Variants in PRDM10 observed in about 807,000 individuals in gnomAD.
The protein encoded by PRDM10 is PR/SET domain 10, also known as PR domain zinc finger protein 10.
A neutral mutation model predicts 133.1 loss-of-function variants in PRDM10; 65 were observed. That is an observed-to-expected ratio of 0.49 (90% CI 0.40 to 0.60). The LOEUF is 0.60. Ranked by LOEUF, PRDM10 falls within the 20% of genes least tolerant of loss-of-function variation. The pLI, the probability that PRDM10 is intolerant of heterozygous loss-of-function variation, is 0.00. For synonymous variants in PRDM10, 582 were observed against 580.4 expected, an observed-to-expected ratio of 1.00 and a Z score of -0.04; for missense variants, 1,137 against 1,507.1, an observed-to-expected ratio of 0.75 and a Z score of 4.07.
rs1951786823 is a variant in PRDM10 at position 129,961,048 on chromosome 11, T to C, written c.-84A>G. The C allele has an allele frequency of 7.7e-7, 1 of 1,294,168 alleles. No individual in the cohort carries two copies. The highest frequency in any genetic ancestry group is 1.5e-5 in the African/African-American group (1 of 67,966). The allele number at this position is 1,294,168 out of a possible 1,614,324, so 80.2% of individuals were successfully genotyped here. On this transcript the variant is annotated 5_prime_UTR_variant, in exon 2 of 21. Transcript: ENST00000360871. ...CAGTCATCTGTCTACCACACGTGTG[T>C]TCATGAAGGACGGAAAGGTCTGTCT...
chr11:129,939,714 A>G (rs1046321003), intron 7 of PRDM10, among the ~76,000 whole-genome samples: 2 of 152,240 alleles, frequency 1.3e-5, no homozygotes, highest in African/African-American at 4.8e-5. Flanking sequence ...TTCCTTCAGA[A>G]CAAACACAAG....
intron 1 of PRDM10, among the ~76,000 whole-genome samples, chr11:129,982,274 C>CTG (rs897280845): frequency 5.3e-5 from 8 of 150,718 alleles, no homozygotes; most frequent in Non-Finnish European, 8.9e-5. Context: ...ATGTGTGTGT[C>CTG]TGTGTGTGTG....
chr11:129,908,984 C>G (rs897939090), intron 19 of PRDM10, among the ~76,000 whole-genome samples: 1 of 151,790 alleles, frequency 6.6e-6, no homozygotes, highest in Admixed American at 6.6e-5. Context: ...CCCACCTCGG[C>G]CTCCCAAAGT....
chr11:129,968,845 C>G (rs570681685), intron 1 of PRDM10, among the ~76,000 whole-genome samples: 1 of 152,136 alleles, frequency 6.6e-6, no homozygotes, highest in Non-Finnish European at 1.5e-5. Context: ...GCTGATGCAC[C>G]CATCGACACT....
At chr11:129,970,694 A>AC (rs1461528633) in intron 1 of PRDM10, among the ~76,000 whole-genome samples, 1 of 151,894 alleles carries the variant, frequency 6.6e-6, no homozygotes, top group Non-Finnish European at 1.5e-5. Flanking sequence ...ATAGGTGTCC[A>AC]CCACCATGCC....
At position 129,944,936 on chromosome 11, in the gene PRDM10, C is replaced by A; in HGVS notation, c.597G>T (p.Pro199=). ...GGCTCGCCCTGGCCCGGGTGAGCAC[C>A]GGCCGGTTGGGGATCGGGTGCAAGG... is the stretch of plus-strand genomic sequence containing the variant. The part of the protein sequence containing the change: ...HGPLHPIPNR[P]VLTRARASLP... Residue 199 remains proline, a synonymous_variant, in exon 6 of 21, where the codon CCG becomes CCT. Transcript: ENST00000360871. 1 of 1,613,682 alleles carries A rather than the reference C, an allele frequency of 6.2e-7. No homozygotes were observed. Among genetic ancestry groups the A allele is most frequent in the Non-Finnish European group, 8.5e-7 (1 of 1,179,944 alleles).
In PRDM10 at chr11:129,902,138, T is replaced by A. The variant is rs1194753597; in HGVS notation, c.*175A>T. 3.5e-6 allele frequency: 3 copies of A among 852,976 alleles called. No individual in the cohort carries two copies. In the Admixed American group the frequency reaches 9.8e-5, roughly 28 times the overall value. The allele number at this position is 852,976 out of a possible 1,614,324, so 52.8% of individuals were successfully genotyped here. A position where few individuals can be genotyped will look rare whatever the true frequency, so the allele number is the denominator to read the frequency against. ...AAAACCGAGGGTTTGAAGAGTCAAT[T>A]TGATAAAGATGACCTTGGCAAAATA... On this transcript the variant is annotated 3_prime_UTR_variant, in exon 21 of 21. Transcript: ENST00000360871.
chr11:129,947,190 C>T lies in PRDM10; in HGVS notation c.475G>A (p.Asp159Asn), dbSNP rs753312685. Residue 159 changes from aspartate to asparagine, a missense_variant, in exon 5 of 21, where the codon GAC becomes AAC. Coordinates refer to ENST00000360871, the MANE Select transcript of PRDM10 (RefSeq NM_199437.2). This position sits in a 1 kb window ranked among gnomAD's most constrained non-coding sequence, Gnocchi z 4.6. ...EEDGEDTDLDDWEPDPPRPFD... is the reference protein window; with the variant it reads ...EEDGEDTDLDNWEPDPPRPFD... ...GGCCGGGGCGGGTCTGGCTCCCAGT[C>T]ATCCAGATCCGTGTCCTCACCGTCT... 2 of 1,614,180 alleles carry T rather than the reference C, an allele frequency of 1.2e-6. No individual in the cohort carries two copies. The highest frequency in any genetic ancestry group is 1.7e-6 in the Non-Finnish European group (2 of 1,180,034).
At chr11:129,994,379 T>C (rs918572966) in intron 1 of PRDM10, among the ~76,000 whole-genome samples, 1 of 150,926 alleles carries the variant, frequency 6.6e-6, no homozygotes. Context: ...GCAGGGAGAA[T>C]TGCTTGAACC....
intron 19 of PRDM10, among the ~76,000 whole-genome samples, chr11:129,910,106 T>C (rs1349788781): frequency 6.6e-6 from 1 of 152,240 alleles, no homozygotes; most frequent in African/African-American, 2.4e-5. Context: ...GTGTTACCGA[T>C]ACTAATGAGA....
intron 6 of PRDM10, 59 bp from the exon 7 acceptor site, chr11:129,942,688 T>C (rs562268955): frequency 1.4e-6 from 2 of 1,437,626 alleles, no homozygotes; most frequent in Admixed American, 1.9e-5. Flanking sequence ...GAGACACATT[T>C]TATAATGTCA....
intron 4 of PRDM10, among the ~76,000 whole-genome samples, chr11:129,954,485 G>A (rs983554217): frequency 3.3e-5 from 5 of 151,924 alleles, no homozygotes; most frequent in Non-Finnish European, 5.9e-5. Flanking sequence ...GGCTGGTCTC[G>A]AACTCCTGAC....
intron 1 of PRDM10, among the ~76,000 whole-genome samples, chr11:129,987,967 G>C (rs1363822279): frequency 6.6e-6 from 1 of 152,190 alleles, no homozygotes; most frequent in Non-Finnish European, 1.5e-5. Context: ...CGCCACTGCA[G>C]TCTGGCCTGG....
At chr11:129,913,627 G>T (rs1184096776) in intron 17 of PRDM10, among the ~76,000 whole-genome samples, 2 of 152,038 alleles carry the variant, frequency 1.3e-5, no homozygotes, top group African/African-American at 2.4e-5. Flanking sequence ...TAAAGTACAG[G>T]CCCTTTTTCT....
chr11:129,975,677 T>C (rs535212837), intron 1 of PRDM10, among the ~76,000 whole-genome samples: 4 of 152,156 alleles, frequency 2.6e-5, no homozygotes, highest in East Asian at 1.9e-4. Flanking sequence ...TGGCCCTTCC[T>C]CTGCCCAGCC....
At chr11:129,927,468 C>G (rs1405748530) in intron 11 of PRDM10, among the ~76,000 whole-genome samples, 1 of 152,088 alleles carries the variant, frequency 6.6e-6, no homozygotes, top group Admixed American at 6.5e-5. Flanking sequence ...TGTCCAAGAA[C>G]AGACACAATG....
At chr11:129,930,054 T>G (rs1950803726) in intron 11 of PRDM10, among the ~76,000 whole-genome samples, 1 of 152,258 alleles carries the variant, frequency 6.6e-6, no homozygotes, top group African/African-American at 2.4e-5. Flanking sequence ...AGCTATCATA[T>G]GACTACAAAT....
At chr11:129,914,440 C>T in intron 17 of PRDM10, 3 of 538,546 alleles carry the variant, frequency 5.6e-6, no homozygotes, top group Non-Finnish European at 1.0e-5. Context: ...GAAACAGGTG[C>T]TGTGGCTACT....
intron 1 of PRDM10, among the ~76,000 whole-genome samples, chr11:129,966,376 T>C (rs764429745): frequency 9.2e-5 from 14 of 152,184 alleles, no homozygotes; most frequent in Non-Finnish European, 1.5e-4. Flanking sequence ...ATTTCTGAAA[T>C]AGGGATCTAT....
Sources: allele counts gnomAD v4.1 joint callset (sites outside exome capture counted in the v4.1 genomes callset), GRCh38; gene constraint gnomAD v4.1.1; non-coding constraint Gnocchi (gnomAD v3.1); transcripts MANE v1.5; gene names NCBI Gene and HGNC (gene_info 2026-07-23, HGNC 2026-07-21).